Variants in RNF11 observed in about 807,000 individuals in gnomAD.
RNF11 encodes ring finger protein 11.
A neutral mutation model predicts 15.8 loss-of-function variants in RNF11; 4 were observed. The ratio of observed to expected loss-of-function variants is 0.25; its 90% CI spans 0.12 to 0.58. RNF11 has a LOEUF of 0.58. Among genes scored for constraint, RNF11 ranks in the 20% least tolerant of loss-of-function variants. RNF11 has a pLI of 0.91. For synonymous variants in RNF11, 68 were observed against 72.3 expected (o/e 0.94, Z 0.30); for missense variants, 139 against 194.4 (o/e 0.71, Z 1.70).
At chr1:51,258,628 C>A (rs774772172) in intron 1 of RNF11, among the ~76,000 whole-genome samples, 1 of 152,166 alleles carries the variant, frequency 6.6e-6, no homozygotes, top group Non-Finnish European at 1.5e-5. Flanking sequence ...ATCAGAAATA[C>A]CCATATGTAT....
intron 1 of RNF11, among the ~76,000 whole-genome samples, chr1:51,241,471 A>T (rs1422286898): frequency 6.6e-6 from 1 of 152,222 alleles, no homozygotes; most frequent in Non-Finnish European, 1.5e-5. Context: ...AATCCTAAAA[A>T]GTCAAATTCC....
intron 1 of RNF11, chr1:51,250,568 A>T: frequency 1.7e-6 from 1 of 597,580 alleles, no homozygotes; most frequent in Non-Finnish European, 2.9e-6. Context: ...TTTTACGCTT[A>T]ATTCGCTTTA....
At chr1:51,263,349 G>A (rs1646939483) in intron 1 of RNF11, among the ~76,000 whole-genome samples, 1 of 152,148 alleles carries the variant, frequency 6.6e-6, no homozygotes, top group African/African-American at 2.4e-5. Flanking sequence ...TGCATCATGG[G>A]TGAACTTTGA....
At chr1:51,237,422 GTGTATA>G (rs1214330688) in intron 1 of RNF11, among the ~76,000 whole-genome samples, 1,767 of 143,620 alleles carry the variant, frequency 0.012, 30 homozygotes, top group African/African-American at 0.034. Context: ...TTGTGTGTGT[GTGTATA>G]TATATATATA....
intron 1 of RNF11, chr1:51,251,489 G>C (rs1646878311): frequency 1.7e-6 from 1 of 605,034 alleles, no homozygotes; most frequent in Non-Finnish European, 2.9e-6. Flanking sequence ...TTTTCTCGGA[G>C]AAGAAAGGAT....
intron 1 of RNF11, among the ~76,000 whole-genome samples, chr1:51,256,387 G>A (rs1425461706): frequency 6.6e-6 from 1 of 152,144 alleles, no homozygotes; most frequent in East Asian, 1.9e-4. Context: ...GTTTTTCATG[G>A]CTTGATAGCT....
At chr1:51,237,600 G>A (rs190160583) in intron 1 of RNF11, among the ~76,000 whole-genome samples, 4 of 151,964 alleles carry the variant, frequency 2.6e-5, no homozygotes, top group Admixed American at 2.6e-4. Context: ...TCGGTTACTC[G>A]TGTTCTCCCT....
At chr1:51,245,550 C>T (rs1022193062) in intron 1 of RNF11, among the ~76,000 whole-genome samples, 2 of 152,026 alleles carry the variant, frequency 1.3e-5, no homozygotes, top group Non-Finnish European at 2.9e-5. Flanking sequence ...CACCTGGGTT[C>T]AAGCGATTCT....
At chr1:51,249,647 T>C (rs928580846) in intron 1 of RNF11, among the ~76,000 whole-genome samples, 15 of 152,242 alleles carry the variant, frequency 9.9e-5, no homozygotes, top group Non-Finnish European at 1.8e-4. Flanking sequence ...TAGTTCACAT[T>C]CTTTTTCATT....
In RNF11 at chr1:51,271,269, T is replaced by G; in HGVS notation, c.412T>G (p.Ser138Ala). 6.2e-7 allele frequency: 1 copy of G among 1,614,110 alleles called. No homozygotes were observed. The highest frequency in any genetic ancestry group is 8.5e-7 in the Non-Finnish European group (1 of 1,179,988). ...DWLMRSFTCP[S>A]CMEPVDAALL... is the part of the protein sequence containing the mutation. ...GTTGATGAGATCCTTCACGTGCCCC[T>G]CCTGCATGGAGCCAGTTGATGCAGC... The change falls in exon 3 of 3, where the codon TCC (serine) becomes GCC (alanine). Residue 138 changes from serine (S) to alanine (A), a missense_variant. Ser to Ala is a moderately conservative substitution (Grantham distance 99, BLOSUM62 1). Coordinates refer to ENST00000242719, the MANE Select transcript of RNF11 (RefSeq NM_014372.5).
chr1:51,255,543 G>A (rs1014724956), intron 1 of RNF11, among the ~76,000 whole-genome samples: 14 of 152,184 alleles, frequency 9.2e-5, no homozygotes, highest in Non-Finnish European at 1.9e-4. Flanking sequence ...AGGCGTGGGC[G>A]ACTGCACCCA....
chr1:51,254,607 C>T (rs999942714), intron 1 of RNF11, among the ~76,000 whole-genome samples: 2 of 151,974 alleles, frequency 1.3e-5, no homozygotes, highest in African/African-American at 2.4e-5. Flanking sequence ...GGATTACAGG[C>T]GTGTGCCACC....
chr1:51,267,127 T>C (rs1646958424), intron 1 of RNF11, among the ~76,000 whole-genome samples: 1 of 152,150 alleles, frequency 6.6e-6, no homozygotes, highest in African/African-American at 2.4e-5. Flanking sequence ...TAATCCCAGC[T>C]ACTGGGGAGG....
At chr1:51,245,259 C>A (rs1646846556) in intron 1 of RNF11, among the ~76,000 whole-genome samples, 1 of 151,880 alleles carries the variant, frequency 6.6e-6, no homozygotes. Context: ...GTCAAGCAGT[C>A]CTCCCATCTC....
At position 51,236,391 on chromosome 1, in the gene RNF11, C is replaced by G. The variant is rs955916608; in HGVS notation, c.-366C>G. On this transcript the variant is annotated 5_prime_UTR_variant, in exon 1 of 3. Coordinates refer to ENST00000242719, the MANE Select transcript of RNF11 (RefSeq NM_014372.5). ...GCAGCAGCTGAGGCAGCAGCTGAGG[C>G]AGCCGCGACGGCCGCGCCCCCCCCC... 2 of 162,414 alleles carry G rather than the reference C, an allele frequency of 1.2e-5. No individual in the cohort carries two copies. Among genetic ancestry groups the G allele is most frequent in the Non-Finnish European group, 2.7e-5 (2 of 75,164 alleles). 10.1% of individuals were successfully genotyped at this position (162,414 alleles called of 1,614,324 possible). A position where few individuals can be genotyped will look rare whatever the true frequency, so the allele number is the denominator to read the frequency against.
At chr1:51,242,949 A>C (rs1197678583) in intron 1 of RNF11, among the ~76,000 whole-genome samples, 1 of 152,104 alleles carries the variant, frequency 6.6e-6, no homozygotes, top group Non-Finnish European at 1.5e-5. Context: ...TTGAAGTTTT[A>C]TCCCTCCCCT....
At chr1:51,241,379 G>C (rs932338642) in intron 1 of RNF11, among the ~76,000 whole-genome samples, 2 of 152,166 alleles carry the variant, frequency 1.3e-5, no homozygotes, top group African/African-American at 4.8e-5. Flanking sequence ...GGTCTCAAAG[G>C]ATCTTGTGGC....
chr1:51,239,012 G>A (rs1163752599), intron 1 of RNF11, among the ~76,000 whole-genome samples: 3 of 152,044 alleles, frequency 2.0e-5, no homozygotes, highest in Non-Finnish European at 4.4e-5. Context: ...TTACAGGCAT[G>A]AGCCACCGCA....
intron 1 of RNF11, among the ~76,000 whole-genome samples, chr1:51,256,661 TTTGTTG>T (rs112315189): frequency 8.5e-4 from 129 of 152,086 alleles, no homozygotes; most frequent in African/African-American, 2.9e-3. Flanking sequence ...GCATACCATT[TTTGTTG>T]TTGTTGTTGT....
Sources: allele counts gnomAD v4.1 joint callset (sites outside exome capture counted in the v4.1 genomes callset), GRCh38; gene constraint gnomAD v4.1.1; transcripts MANE v1.5; gene names NCBI Gene and HGNC (gene_info 2026-07-23, HGNC 2026-07-21).